The following KYNU variants were observed in gnomAD, a reference collection of about 807,000 sequenced individuals.
KYNU encodes L-kynurenine hydrolase.
Under a neutral mutation model 59.2 loss-of-function variants are expected in KYNU, and 54 were observed. The observed-to-expected ratio is 0.91, with a 90% CI of 0.73 to 1.14. The LOEUF (loss-of-function observed/expected upper bound fraction) is 1.14, where lower values mean the gene tolerates loss of function less well. Among genes scored for constraint, KYNU ranks in the 50% most tolerant of loss-of-function variants. The probability of loss-of-function intolerance (pLI) is 0.00; values close to 1 mark genes in which losing one functional copy is unlikely to be tolerated. For missense variants in KYNU, 567 were observed against 554.4 expected (o/e 1.02, Z -0.23); for synonymous variants, 177 against 192.0 (o/e 0.92, Z 0.65).
In KYNU at chr2:143,046,722, C is replaced by T. The variant is rs1687169993; in HGVS notation, c.*4550C>T. ...CTGGCATCTGCTAGATTAAATCTCT[C>T]AGCTTCTTTTTATTAAGATTGCCCT... On this transcript the variant is annotated 3_prime_UTR_variant, in exon 14 of 14. Coordinates refer to ENST00000264170, the MANE Select transcript of KYNU (RefSeq NM_003937.3). 6.6e-6 allele frequency: 1 copy of T among 152,012 alleles called. No homozygotes were observed. The allele number at this position is 152,012 out of a possible 1,614,324, so 9.4% of individuals were successfully genotyped here. A position where few individuals can be genotyped will look rare whatever the true frequency, so the allele number is the denominator to read the frequency against.
chr2:142,966,776 T>C (rs1684553865), intron 8 of KYNU, among the ~76,000 whole-genome samples: 1 of 152,152 alleles, frequency 6.6e-6, no homozygotes, highest in Non-Finnish European at 1.5e-5. Flanking sequence ...TGAAAAGGTA[T>C]ACATTTTAAA....
rs1684876148 is a variant in KYNU, at chr2:142,976,256, A to C, written c.730-8828A>C. ...TCACTGTGTCCACAGGTTACTTGTG[A>C]TTAACATTTCTCAGAACAATTATTC... is the stretch of plus-strand genomic sequence containing the variant. On this transcript the variant is annotated intron_variant, in intron 8 of 13. Coordinates refer to ENST00000264170, the MANE Select transcript of KYNU (RefSeq NM_003937.3). Among the ~76,000 whole-genome samples the C allele has an allele frequency of 2.0e-5, 3 of 152,162 alleles. No homozygotes were observed. The South Asian group carries it at 6.2e-4, about 32-fold the overall frequency.
At chr2:142,999,985 A>C (rs1685665085) in intron 10 of KYNU, among the ~76,000 whole-genome samples, 1 of 152,198 alleles carries the variant, frequency 6.6e-6, no homozygotes. Context: ...TTAAGATTGA[A>C]GATCAAAACC....
At chr2:142,975,194 C>T (rs1202454625) in intron 8 of KYNU, among the ~76,000 whole-genome samples, 1 of 152,058 alleles carries the variant, frequency 6.6e-6, no homozygotes, top group East Asian at 1.9e-4. Flanking sequence ...CATAAAAACC[C>T]CAAACTCCTC....
intron 7 of KYNU, chr2:142,958,065 A>G (rs936048537): frequency 7.6e-6 from 2 of 262,644 alleles, no homozygotes; most frequent in Non-Finnish European, 1.5e-5. Context: ...AAATCATGCT[A>G]AAGACCAGAA....
At chr2:142,933,105 T>A (rs1327690530) in intron 4 of KYNU, among the ~76,000 whole-genome samples, 1 of 152,140 alleles carries the variant, frequency 6.6e-6, no homozygotes, top group African/African-American at 2.4e-5. Context: ...ACTGTTAGGT[T>A]GGCATGGAGA....
At chr2:143,014,102 C>G (rs577991923) in intron 10 of KYNU, among the ~76,000 whole-genome samples, 1 of 152,232 alleles carries the variant, frequency 6.6e-6, no homozygotes, top group Non-Finnish European at 1.5e-5. Flanking sequence ...CAGGTCCATT[C>G]TCCTAACATT....
chr2:142,903,432 G>C (rs897825949), intron 2 of KYNU, among the ~76,000 whole-genome samples: 1 of 151,886 alleles, frequency 6.6e-6, no homozygotes, highest in Non-Finnish European at 1.5e-5. Flanking sequence ...AAGGGAGTGG[G>C]GTTTTTAGGC....
At chr2:142,917,542 T>A (rs1436527783) in intron 2 of KYNU, among the ~76,000 whole-genome samples, 1 of 152,128 alleles carries the variant, frequency 6.6e-6, no homozygotes. Flanking sequence ...GCTCAAGTGA[T>A]CCTCCCAATT....
chr2:142,882,279 C>A lies in KYNU; in HGVS notation c.-19-3070C>A, dbSNP rs188131479. On this transcript the variant is annotated intron_variant, in intron 1 of 13. Transcript: ENST00000264170. Reference sequence around the variant, plus strand: ...CCTCATCACCAAATTTAATTCACCACCGTTTCTCTCCTGAACTACTGTGTT... The same window carrying A: ...CCTCATCACCAAATTTAATTCACCAACGTTTCTCTCCTGAACTACTGTGTT... 1.9e-3 allele frequency among the ~76,000 whole-genome samples: 288 copies of A among 152,228 alleles called. 1 individual carries two copies. Among genetic ancestry groups the A allele is most frequent in the Non-Finnish European group, 3.4e-3 (232 of 68,012 alleles).
At chr2:143,013,834 A>G (rs573989978) in intron 10 of KYNU, among the ~76,000 whole-genome samples, 8 of 152,334 alleles carry the variant, frequency 5.3e-5, no homozygotes, top group Non-Finnish European at 1.0e-4. Context: ...ACCCACAGCC[A>G]TCTCCTGGAG....
chr2:142,902,568 C>T (rs113646555), intron 2 of KYNU, among the ~76,000 whole-genome samples: 8 of 152,310 alleles, frequency 5.3e-5, no homozygotes, highest in Non-Finnish European at 1.0e-4. Context: ...CCAGTATAGG[C>T]TGGATACATT....
chr2:143,014,282 G>A (rs1326710655), intron 10 of KYNU, among the ~76,000 whole-genome samples: 1 of 152,152 alleles, frequency 6.6e-6, no homozygotes, highest in African/African-American at 2.4e-5. Flanking sequence ...CTCATCCCTT[G>A]GATTTTATCT....
At chr2:142,927,814 A>C in intron 4 of KYNU, 73 bp downstream of exon 4, 2 of 1,012,322 alleles carry the variant, frequency 2.0e-6, no homozygotes, top group East Asian at 2.4e-5. Flanking sequence ...ACACAGGCTC[A>C]TAAAGTCAAA....
At chr2:142,914,155 G>A (rs999453556) in intron 2 of KYNU, among the ~76,000 whole-genome samples, 1 of 152,198 alleles carries the variant, frequency 6.6e-6, no homozygotes, top group Non-Finnish European at 1.5e-5. Flanking sequence ...GAGGTCAAGG[G>A]CTTCTCCCAT....
intron 8 of KYNU, among the ~76,000 whole-genome samples, chr2:142,975,392 A>G (rs1039354040): frequency 6.6e-6 from 1 of 152,080 alleles, no homozygotes; most frequent in Admixed American, 6.5e-5. Flanking sequence ...TCAATTCACC[A>G]TCCTTTAAGT....
Position 143,052,223 on chromosome 2 carries a change from G to A in KYNU, c.*10051G>A, listed in dbSNP as rs181688889. 2.6e-3 allele frequency: 402 copies of A among 152,656 alleles called. 3 individuals are homozygous for A. The highest frequency in any genetic ancestry group is 0.01 in the Middle Eastern group (3 of 294). The allele number at this position is 152,656 out of a possible 1,614,324, so 9.5% of individuals were successfully genotyped here. On this transcript the variant is annotated 3_prime_UTR_variant, in exon 14 of 14. Transcript: ENST00000264170. ...TTTTATGCAGCAAAGCATTCAAGAG[G>A]TGACTTGGTTGCTATTAAAGGCATT...
At chr2:143,018,352 T>G (rs1437828806) in intron 10 of KYNU, among the ~76,000 whole-genome samples, 2 of 152,234 alleles carry the variant, frequency 1.3e-5, no homozygotes, top group Non-Finnish European at 2.9e-5. Flanking sequence ...TTTATTCTTC[T>G]GCATATTGAC....
At chr2:142,977,372 G>GAGATATATAT (rs1553484697) in intron 8 of KYNU, among the ~76,000 whole-genome samples, 3 of 131,148 alleles carry the variant, frequency 2.3e-5, no homozygotes, top group South Asian at 2.6e-4. Flanking sequence ...ATTTTGTGTG[G>GAGATATATAT]ATATATATAT....
Sources: allele counts gnomAD v4.1 joint callset (sites outside exome capture counted in the v4.1 genomes callset), GRCh38; gene constraint gnomAD v4.1.1; transcripts MANE v1.5; gene names NCBI Gene and HGNC (gene_info 2026-07-23, HGNC 2026-07-21).